The following MACROD2 variants were observed in gnomAD, a reference collection of about 807,000 sequenced individuals.
MACROD2 encodes mono-ADP ribosylhydrolase 2, also known as ADP-ribose glycohydrolase MACROD2.
In MACROD2, 36 loss-of-function variants were observed where a neutral mutation model predicts 70.4. The observed-to-expected ratio is 0.51, with a 90% CI of 0.39 to 0.68. MACROD2 has a LOEUF of 0.68. Ranked by LOEUF, MACROD2 falls within the 30% of genes least tolerant of loss-of-function variation. The pLI is 0.00. For missense variants in MACROD2, 496 were observed against 538.4 expected (o/e 0.92, Z 0.78); for synonymous variants, 172 against 178.8 (o/e 0.96, Z 0.30).
intron 15 of MACROD2, among the ~76,000 whole-genome samples, chr20:16,028,175 G>C (rs998497274): frequency 2.0e-5 from 3 of 152,134 alleles, no homozygotes; most frequent in Non-Finnish European, 2.9e-5. Flanking sequence ...TGTCCTCAAA[G>C]ATTTTTCTTC....
chr20:14,390,888 A>G (rs79901073), intron 3 of MACROD2, among the ~76,000 whole-genome samples: 8,521 of 152,242 alleles, frequency 0.056, 274 homozygotes, highest in African/African-American at 0.076. Flanking sequence ...AACACCACTG[A>G]TCATTCAAGA....
chr20:14,966,685 G>A (rs2074640075), intron 5 of MACROD2, among the ~76,000 whole-genome samples: 1 of 152,152 alleles, frequency 6.6e-6, no homozygotes, highest in East Asian at 1.9e-4. Context: ...TGAACTTCAT[G>A]TAAATAGATT....
At chr20:14,495,747 T>A (rs2084846415) in intron 4 of MACROD2, among the ~76,000 whole-genome samples, 1 of 150,256 alleles carries the variant, frequency 6.7e-6, no homozygotes, top group South Asian at 2.1e-4. Context: ...GATAAGACAT[T>A]CAGGAATAGG....
intron 2 of MACROD2, among the ~76,000 whole-genome samples, chr20:14,079,919 C>G (rs978871717): frequency 6.6e-6 from 1 of 152,092 alleles, no homozygotes; most frequent in Non-Finnish European, 1.5e-5. Flanking sequence ...TTCCCTACCC[C>G]CAGTCTGTGG....
chr20:15,682,695 G>C (rs938264668), intron 8 of MACROD2, among the ~76,000 whole-genome samples: 1 of 152,134 alleles, frequency 6.6e-6, no homozygotes, highest in Non-Finnish European at 1.5e-5. Flanking sequence ...TATCATATTT[G>C]ACTATTGAAA....
rs73234082 is a variant in MACROD2 at position 15,956,593 on chromosome 20, A to G, written c.908-10960A>G. Among the ~76,000 whole-genome samples the G allele has an allele frequency of 3.5e-3, 536 of 152,290 alleles. 3 individuals are homozygous for G. The highest frequency in any genetic ancestry group is 0.012 in the African/African-American group (505 of 41,562). On this transcript the variant is annotated intron_variant, in intron 12 of 17. Transcript: ENST00000684519. ...TCTTAGACACAAAAACGAAATGCAT[A>G]CAGATAGATACAAATTCAGTATATG...
intron 15 of MACROD2, among the ~76,000 whole-genome samples, chr20:15,998,394 G>T (rs1430884769): frequency 1.3e-5 from 2 of 151,978 alleles, no homozygotes; most frequent in African/African-American, 4.8e-5. Context: ...GTTTCTTCGT[G>T]ATTCAGCCAT....
intron 15 of MACROD2, among the ~76,000 whole-genome samples, chr20:16,001,145 T>G (rs112524374): frequency 3.3e-5 from 5 of 152,336 alleles, no homozygotes; most frequent in African/African-American, 7.2e-5. Context: ...GGAAACTCAA[T>G]TTCTTTTCAT....
intron 5 of MACROD2, among the ~76,000 whole-genome samples, chr20:14,863,270 C>A (rs970741373): frequency 1.3e-5 from 2 of 152,040 alleles, no homozygotes; most frequent in Admixed American, 6.6e-5. Flanking sequence ...GCACAGGCAG[C>A]GCTTATATCT....
intron 3 of MACROD2, among the ~76,000 whole-genome samples, chr20:14,420,699 T>C (rs969587345): frequency 2.0e-5 from 3 of 152,206 alleles, no homozygotes; most frequent in African/African-American, 7.2e-5. Context: ...CTTGAAAATG[T>C]TCTTTTTTTG....
chr20:14,217,363 G>GATC (rs2081631676), intron 3 of MACROD2, among the ~76,000 whole-genome samples: 1 of 152,150 alleles, frequency 6.6e-6, no homozygotes, highest in Non-Finnish European at 1.5e-5. Context: ...AAACCCACTT[G>GATC]ATCATGGTGG....
Position 14,146,322 on chromosome 20 carries a change from G to GA in MACROD2, c.271+60604dup, listed in dbSNP as rs149002863. 2.1e-3 allele frequency among the ~76,000 whole-genome samples: 312 copies of GA among 147,194 alleles called. 1 individual carries two copies. Among genetic ancestry groups the GA allele is most frequent in the African/African-American group, 5.6e-3 (225 of 40,180 alleles). On this transcript the variant is annotated intron_variant, in intron 3 of 17. Coordinates refer to ENST00000684519, the MANE Select transcript of MACROD2 (RefSeq NM_001351661.2). ...CGACAGAGCGAGACCTCCGCCTCAG[G>GA]AAAAAAAAAACAAAAAACAAAGATT...
At chr20:14,455,501 A>G (rs973310443) in intron 3 of MACROD2, among the ~76,000 whole-genome samples, 1 of 151,848 alleles carries the variant, frequency 6.6e-6, no homozygotes, top group African/African-American at 2.4e-5. Flanking sequence ...TATCTGTGCA[A>G]AGCATTCAAC....
At chr20:14,415,745 A>C (rs1287686023) in intron 3 of MACROD2, among the ~76,000 whole-genome samples, 1 of 152,188 alleles carries the variant, frequency 6.6e-6, no homozygotes, top group East Asian at 1.9e-4. Context: ...ACAAGGAAAG[A>C]AAGTACAAAT....
At chr20:14,187,765 T>C (rs1466609262) in intron 3 of MACROD2, among the ~76,000 whole-genome samples, 1 of 152,204 alleles carries the variant, frequency 6.6e-6, no homozygotes, top group Non-Finnish European at 1.5e-5. Flanking sequence ...TACTACTGGT[T>C]CCTTATTTGC....
intron 3 of MACROD2, among the ~76,000 whole-genome samples, chr20:14,230,308 C>A (rs906548274): frequency 2.0e-5 from 3 of 152,156 alleles, no homozygotes; most frequent in African/African-American, 7.2e-5. Context: ...TCCTCTCAAA[C>A]AGTACCGCTG....
chr20:14,313,115 G>A (rs2082581305), intron 3 of MACROD2, among the ~76,000 whole-genome samples: 1 of 152,182 alleles, frequency 6.6e-6, no homozygotes, highest in Non-Finnish European at 1.5e-5. Context: ...TTCTGTCTCT[G>A]AGAAAGATTT....
chr20:15,006,233 A>G (rs963962808), intron 5 of MACROD2, among the ~76,000 whole-genome samples: 1 of 150,630 alleles, frequency 6.6e-6, no homozygotes, highest in Non-Finnish European at 1.5e-5. Context: ...GGAGGATATT[A>G]TGCTAAGTGA....
chr20:14,786,729 T>C (rs1309057433), intron 5 of MACROD2, among the ~76,000 whole-genome samples: 1 of 152,060 alleles, frequency 6.6e-6, no homozygotes, highest in Admixed American at 6.5e-5. Context: ...ATGCCCACAG[T>C]CTTTTGTTGA....
Sources: gnomAD v4.1 joint callset for allele counts (sites outside exome capture counted in the v4.1 genomes callset) on GRCh38, gnomAD v4.1.1 for gene constraint, MANE v1.5 for transcripts, NCBI Gene and HGNC (gene_info 2026-07-23, HGNC 2026-07-21) for gene names.